The following OTOGL variants were observed in gnomAD, a reference collection of about 807,000 sequenced individuals.
The protein encoded by OTOGL is otogelin like.
In OTOGL, 285 loss-of-function variants were observed where a neutral mutation model predicts 318.5. The ratio of observed to expected loss-of-function variants is 0.89; its 90% confidence interval spans 0.81 to 0.99. The LOEUF (loss-of-function observed/expected upper bound fraction) is 0.99. Among genes scored for constraint, OTOGL ranks in the 50% least tolerant of loss-of-function variants. OTOGL has a pLI of 0.00. For missense variants in OTOGL, 2,899 were observed against 2,845.6 expected (o/e 1.02, Z -0.43); for synonymous variants, 987 against 936.5 (o/e 1.05, Z -0.99).
intron 9 of OTOGL, among the ~76,000 whole-genome samples, chr12:80,238,117 A>G (rs1289749838): frequency 2.0e-5 from 3 of 152,006 alleles, no homozygotes; most frequent in Admixed American, 6.6e-5. Flanking sequence ...AACAGAGAGC[A>G]CTCTGTTGAG....
intron 26 of OTOGL, among the ~76,000 whole-genome samples, chr12:80,289,676 A>G (rs1884896408): frequency 6.6e-6 from 1 of 152,198 alleles, no homozygotes; most frequent in South Asian, 2.1e-4. Flanking sequence ...CAAACTTCCC[A>G]GTGGCTTCTT....
intron 6 of OTOGL, among the ~76,000 whole-genome samples, chr12:80,220,135 T>A (rs1359323338): frequency 6.6e-6 from 1 of 152,122 alleles, no homozygotes; most frequent in African/African-American, 2.4e-5. Context: ...GTATTTTTTC[T>A]ACTTTCTATA....
At position 80,099,619 on chromosome 12, in the gene OTOGL, G is replaced by T. The variant is rs1222919253; in HGVS notation, c.-20+14G>T. The T allele has an allele frequency of 6.6e-6, 1 of 152,238 alleles. No homozygotes were observed. Among genetic ancestry groups the T allele is most frequent in the East Asian group, 1.9e-4 (1 of 5,204 alleles). The allele number at this position is 152,238 out of a possible 1,614,324, so 9.4% of individuals were successfully genotyped here. A position where few individuals can be genotyped will look rare whatever the true frequency, so the allele number is the denominator to read the frequency against. On this transcript the variant is annotated intron_variant, in intron 1 of 58. Transcript: ENST00000547103. ...AGTGCTTCCCTGGTAAGTTTTGGGG[G>T]ATGGAAGTGGCAGCAGTCATAAGAA...
chr12:80,367,526 T>C, intron 53 of OTOGL, 35 bp from the exon 54 acceptor site: 2 of 1,406,456 alleles, frequency 1.4e-6, no homozygotes, highest in Non-Finnish European at 9.6e-7. Context: ...AACTCAACAG[T>C]ATATTTTCTT....
In OTOGL at chr12:80,219,796, T is replaced by TC. The variant is rs1178243443; in HGVS notation, c.236-18_236-17insC. On this transcript the variant is annotated splice_polypyrimidine_tract_variant and intron_variant, in intron 5 of 58. Transcript: ENST00000547103. Reference sequence around the variant, plus strand: ...AATGGATGCCAGAAGATAACTTTTTTTTTTTTTTCCCCCTCAGGTTCTTGT... The same window carrying TC: ...AATGGATGCCAGAAGATAACTTTTTTCTTTTTTTTCCCCCTCAGGTTCTTGT... 1 of 1,491,306 alleles carries TC rather than the reference T, an allele frequency of 6.7e-7. No homozygotes were observed. The highest frequency in any genetic ancestry group is 9.2e-7 in the Non-Finnish European group (1 of 1,088,936). 92.4% of individuals were successfully genotyped at this position (1,491,306 alleles called of 1,614,324 possible). A position where few individuals can be genotyped will look rare whatever the true frequency, so the allele number is the denominator to read the frequency against.
chr12:80,123,501 C>G lies in OTOGL; in HGVS notation c.-20+23896C>G, dbSNP rs573224989. Among the ~76,000 whole-genome samples the G allele has an allele frequency of 8.1e-4, 122 of 151,152 alleles. 2 individuals are homozygous for G. The highest frequency in any genetic ancestry group is 2.9e-3 in the African/African-American group (118 of 40,474). On this transcript the variant is annotated intron_variant, in intron 1 of 58. Transcript: ENST00000547103. Reference sequence around the variant, plus strand: ...TAGTGCTGCAATAAACATACGTGTGCATGTGCCTTTATAGCAGCATGATTT... The same window carrying G: ...TAGTGCTGCAATAAACATACGTGTGGATGTGCCTTTATAGCAGCATGATTT...
intron 22 of OTOGL, among the ~76,000 whole-genome samples, chr12:80,268,805 C>A (rs1057463984): frequency 6.6e-6 from 1 of 151,832 alleles, no homozygotes; most frequent in Admixed American, 6.6e-5. Flanking sequence ...CTGGACCTTC[C>A]TCTCTGGTGT....
chr12:80,249,326 T>G (rs1313563841), intron 11 of OTOGL, among the ~76,000 whole-genome samples: 2 of 151,474 alleles, frequency 1.3e-5, no homozygotes, highest in Non-Finnish European at 2.9e-5. Flanking sequence ...ATGATGGTGA[T>G]ATACAGATGG....
chr12:80,224,684 A>G (rs1394021347), intron 7 of OTOGL, among the ~76,000 whole-genome samples: 2 of 152,040 alleles, frequency 1.3e-5, no homozygotes, highest in Non-Finnish European at 2.9e-5. Context: ...AGCTATTGTA[A>G]AAGGGGTTGA....
At chr12:80,215,543 G>A (rs1318183261) in intron 4 of OTOGL, among the ~76,000 whole-genome samples, 2 of 152,050 alleles carry the variant, frequency 1.3e-5, no homozygotes, top group Non-Finnish European at 2.9e-5. Flanking sequence ...GAATCCTCAC[G>A]ATTCTGTGAG....
At chr12:80,218,567 G>C (rs1032240548) in intron 5 of OTOGL, among the ~76,000 whole-genome samples, 1 of 152,102 alleles carries the variant, frequency 6.6e-6, no homozygotes, top group African/African-American at 2.4e-5. Flanking sequence ...CTTATTAGAG[G>C]AAATTTTTTC....
intron 1 of OTOGL, among the ~76,000 whole-genome samples, chr12:80,191,970 A>C (rs1266002582): frequency 6.6e-6 from 1 of 152,238 alleles, no homozygotes; most frequent in East Asian, 1.9e-4. Context: ...ATCCATATTC[A>C]CTTATAAGTT....
At chr12:80,334,535 G>C (rs1375552068) in intron 38 of OTOGL, among the ~76,000 whole-genome samples, 1 of 152,086 alleles carries the variant, frequency 6.6e-6, no homozygotes, top group East Asian at 1.9e-4. Flanking sequence ...AAGGGAGTGA[G>C]TACAGATAGA....
chr12:80,132,437 C>T (rs1871298689), intron 1 of OTOGL: 1 of 151,806 alleles, frequency 6.6e-6, no homozygotes, highest in Non-Finnish European at 1.5e-5. Flanking sequence ...TATTTTTCTC[C>T]TTTTTTTTCT....
At chr12:80,158,098 C>A (rs903189943) in intron 1 of OTOGL, among the ~76,000 whole-genome samples, 1 of 151,802 alleles carries the variant, frequency 6.6e-6, no homozygotes, top group Non-Finnish European at 1.5e-5. Flanking sequence ...GCTTATAAAC[C>A]TTTATTCACA....
chr12:80,370,477 T>G, intron 55 of OTOGL, 93 bp from the exon 56 acceptor site: 1 of 1,138,474 alleles, frequency 8.8e-7, no homozygotes, highest in Non-Finnish European at 1.2e-6. Flanking sequence ...CTTTGCATCT[T>G]GATTTGACTT....
Position 80,117,268 on chromosome 12 carries a change from T to A in OTOGL, c.-20+17663T>A, listed in dbSNP as rs556689925. On this transcript the variant is annotated intron_variant, in intron 1 of 58. Coordinates refer to ENST00000547103, the MANE Select transcript of OTOGL (RefSeq NM_001378609.3). ...GCTATCTCTGGGTGACTTAAAAAAA[T>A]ATATATATATAAAATGGAACTCATC... 2.4e-4 allele frequency among the ~76,000 whole-genome samples: 36 copies of A among 150,560 alleles called. 1 individual carries two copies. The highest frequency in any genetic ancestry group is 1.4e-3 in the East Asian group (7 of 5,158).
At chr12:80,194,129 T>G (rs912367580) in intron 1 of OTOGL, among the ~76,000 whole-genome samples, 1 of 152,174 alleles carries the variant, frequency 6.6e-6, no homozygotes, top group Non-Finnish European at 1.5e-5. Flanking sequence ...CCCTAGATAC[T>G]CCTGTATAGC....
intron 4 of OTOGL, among the ~76,000 whole-genome samples, chr12:80,216,953 TAAAAG>T (rs982895823): frequency 5.0e-4 from 76 of 151,288 alleles, no homozygotes; most frequent in African/African-American, 1.7e-3. Flanking sequence ...ATAATAATAA[TAAAAG>T]AAAAGAAAAA....
Sources: gnomAD v4.1 joint callset for allele counts (sites outside exome capture counted in the v4.1 genomes callset) on GRCh38, gnomAD v4.1.1 for gene constraint, MANE v1.5 for transcripts, NCBI Gene and HGNC (gene_info 2026-07-23, HGNC 2026-07-21) for gene names.